Variants in UXS1 observed in about 807,000 individuals in gnomAD.
UXS1 encodes the protein UDP-glucuronic acid decarboxylase 1.
Under a neutral mutation model 62.6 loss-of-function variants are expected in UXS1, and 33 were observed. The ratio of observed to expected loss-of-function variants is 0.53; its 90% CI spans 0.40 to 0.70. UXS1 has a LOEUF of 0.70. Ranked by LOEUF, UXS1 falls within the 30% of genes least tolerant of loss-of-function variation. UXS1 has a pLI of 0.00. For missense variants in UXS1, 434 were observed against 556.3 expected (o/e 0.78, Z 2.21); for synonymous variants, 213 against 206.8 (o/e 1.03, Z -0.26).
At chr2:106,186,234 T>A (rs1370832195) in intron 1 of UXS1, among the ~76,000 whole-genome samples, 1 of 152,074 alleles carries the variant, frequency 6.6e-6, no homozygotes, top group African/African-American at 2.4e-5. Context: ...ACTGCAAAAA[T>A]GTACCTTCAA....
At chr2:106,186,659 AATT>A (rs1684576819) in intron 1 of UXS1, among the ~76,000 whole-genome samples, 1 of 152,252 alleles carries the variant, frequency 6.6e-6, no homozygotes, top group African/African-American at 2.4e-5. Context: ...AACAAAAAAA[AATT>A]TTTTAATTAG....
chr2:106,140,469 T>C lies in UXS1; in HGVS notation c.472+4721A>G, dbSNP rs565644441. On this transcript the variant is annotated intron_variant, in intron 6 of 14. Transcript: ENST00000283148. ...CATGCTTTAAATGTCTACATAAACA[T>C]GGACTCAATCCCCTTGGCAAACACT... Among the ~76,000 whole-genome samples, 79 of 152,350 alleles carry C rather than the reference T, an allele frequency of 5.2e-4. 1 individual carries two copies. The highest frequency in any genetic ancestry group is 1.8e-3 in the African/African-American group (76 of 41,580).
chr2:106,173,148 A>G (rs1404072083), intron 1 of UXS1, among the ~76,000 whole-genome samples: 1 of 152,234 alleles, frequency 6.6e-6, no homozygotes, highest in African/African-American at 2.4e-5. Flanking sequence ...TGTTTTGTTC[A>G]GTGCTGTTAT....
At chr2:106,185,730 G>A (rs142461779) in intron 1 of UXS1, among the ~76,000 whole-genome samples, 5 of 152,118 alleles carry the variant, frequency 3.3e-5, no homozygotes, top group Admixed American at 1.3e-4. Flanking sequence ...AGATCATCCC[G>A]GATTATCCAG....
chr2:106,116,547 CCT>C (rs1314469268), intron 9 of UXS1, among the ~76,000 whole-genome samples: 1 of 152,202 alleles, frequency 6.6e-6, no homozygotes, highest in East Asian at 1.9e-4. Context: ...AGCCCAGGAC[CCT>C]CTCTTTGTCC....
At chr2:106,161,118 G>A (rs1197201514) in intron 4 of UXS1, among the ~76,000 whole-genome samples, 1 of 106,802 alleles carries the variant, frequency 9.4e-6, no homozygotes, top group African/African-American at 3.5e-5. Flanking sequence ...TGGGCCACAT[G>A]CTGAGCCAGC....
chr2:106,163,449 G>T (rs557955157), intron 4 of UXS1, among the ~76,000 whole-genome samples: 2 of 152,306 alleles, frequency 1.3e-5, no homozygotes, highest in Middle Eastern at 3.4e-3. Context: ...TAAATTTGCA[G>T]AAATTCAGAC....
At chr2:106,187,208 G>C (rs963446725) in intron 1 of UXS1, among the ~76,000 whole-genome samples, 4 of 152,140 alleles carry the variant, frequency 2.6e-5, no homozygotes, top group Non-Finnish European at 4.4e-5. Flanking sequence ...TGAAAATGTT[G>C]AAAATTCACA....
At chr2:106,157,055 A>G (rs539041101) in intron 5 of UXS1, among the ~76,000 whole-genome samples, 15 of 152,218 alleles carry the variant, frequency 9.9e-5, no homozygotes, top group African/African-American at 3.1e-4. Flanking sequence ...ATCTACATGG[A>G]CAAAAAACAG....
intron 1 of UXS1, among the ~76,000 whole-genome samples, chr2:106,170,035 G>A (rs568934111): frequency 6.6e-6 from 1 of 152,244 alleles, no homozygotes; most frequent in East Asian, 1.9e-4. Flanking sequence ...AGATGCACCT[G>A]GAGACGTGCC....
chr2:106,094,968 C>T (rs1676957249), intron 14 of UXS1, among the ~76,000 whole-genome samples: 1 of 152,196 alleles, frequency 6.6e-6, no homozygotes, highest in Non-Finnish European at 1.5e-5. Context: ...AGCTGTTAAA[C>T]ACACACACTT....
At chr2:106,174,176 T>C (rs997890481) in intron 1 of UXS1, among the ~76,000 whole-genome samples, 2 of 151,888 alleles carry the variant, frequency 1.3e-5, no homozygotes, top group African/African-American at 4.8e-5. Flanking sequence ...GGCAGGATGG[T>C]TGTTTTCATA....
chr2:106,125,555 CTGAGA>C, intron 8 of UXS1, 60 bp downstream of exon 8: 1 of 1,451,008 alleles, frequency 6.9e-7, no homozygotes, highest in South Asian at 1.4e-5. Context: ...CTGGACTCTT[CTGAGA>C]CAGGATGAAA....
chr2:106,108,827 G>A (rs1678325436), intron 10 of UXS1, among the ~76,000 whole-genome samples: 1 of 152,164 alleles, frequency 6.6e-6, no homozygotes, highest in African/African-American at 2.4e-5. Context: ...AAGATTCTTT[G>A]CTTGGCCAAA....
At chr2:106,126,189 C>T (rs1679931748) in intron 7 of UXS1, among the ~76,000 whole-genome samples, 1 of 152,198 alleles carries the variant, frequency 6.6e-6, no homozygotes, top group African/African-American at 2.4e-5. Flanking sequence ...TCCAAAGCAA[C>T]TGTCACATTC....
intron 8 of UXS1, among the ~76,000 whole-genome samples, chr2:106,123,981 C>T (rs1185679244): frequency 6.6e-6 from 1 of 152,212 alleles, no homozygotes; most frequent in African/African-American, 2.4e-5. Context: ...GGTATCCTGC[C>T]ACTTGTCTGC....
chr2:106,127,697 G>A (rs540348601), intron 7 of UXS1, among the ~76,000 whole-genome samples: 4 of 152,214 alleles, frequency 2.6e-5, no homozygotes, highest in Non-Finnish European at 5.9e-5. Flanking sequence ...CTTGTCTCAA[G>A]TGCAAGATGG....
intron 1 of UXS1, among the ~76,000 whole-genome samples, chr2:106,188,538 C>A (rs911594396): frequency 6.6e-6 from 1 of 152,210 alleles, no homozygotes; most frequent in Non-Finnish European, 1.5e-5. Flanking sequence ...GGGTCTCTGA[C>A]AGAGGAGCCC....
chr2:106,100,849 A>G, intron 12 of UXS1: 2 of 619,998 alleles, frequency 3.2e-6, no homozygotes, highest in East Asian at 2.9e-5. Context: ...GACTGATTAC[A>G]TCACTCACCC....
Sources: gnomAD v4.1 joint callset for allele counts (sites outside exome capture counted in the v4.1 genomes callset) on GRCh38, gnomAD v4.1.1 for gene constraint, MANE v1.5 for transcripts, NCBI Gene and HGNC (gene_info 2026-07-23, HGNC 2026-07-21) for gene names.